DOT1L: variants seen among roughly 807,000 people sequenced by gnomAD.
The protein encoded by DOT1L is DOT1 like histone lysine methyltransferase.
DOT1L carries 33 observed loss-of-function variants against 153.3 expected under a neutral mutation model. That is an observed-to-expected ratio of 0.22 (90% CI 0.16 to 0.29). The LOEUF is 0.29. Ranked by LOEUF, DOT1L falls within the 10% of genes least tolerant of loss-of-function variation. DOT1L has a pLI of 1.00. For synonymous variants in DOT1L, 1,135 were observed against 965.1 expected, an observed-to-expected ratio of 1.18 and a Z score of -3.26; for missense variants, 1,847 against 2,119.9, an observed-to-expected ratio of 0.87 and a Z score of 2.53.
chr19:2,165,941 T>A (rs1281032540), intron 1 of DOT1L, among the ~76,000 whole-genome samples: 1 of 151,446 alleles, frequency 6.6e-6, no homozygotes, highest in African/African-American at 2.4e-5. Context: ...GCTAATGTTT[T>A]TTGTGTTTTT....
intron 22 of DOT1L, among the ~76,000 whole-genome samples, chr19:2,218,983 T>C (rs1290195808): frequency 6.6e-6 from 1 of 152,182 alleles, no homozygotes; most frequent in Admixed American, 6.5e-5. Flanking sequence ...GCAGTTCTCC[T>C]GCCTCAGCCT....
At chr19:2,165,288 G>GCA (rs1016262078) in intron 1 of DOT1L, among the ~76,000 whole-genome samples, 1 of 151,986 alleles carries the variant, frequency 6.6e-6, no homozygotes, top group African/African-American at 2.4e-5. Context: ...ACTCCCGCGC[G>GCA]CGCTGGGCTT....
intron 27 of DOT1L, 117 bp from the exon 28 acceptor site, chr19:2,229,656 TGTCATGGTGCTG>T (rs2024514031): frequency 1.9e-6 from 3 of 1,595,112 alleles, no homozygotes; most frequent in Non-Finnish European, 2.6e-6. Flanking sequence ...GCACTATGCC[TGTCATGGTGCTG>T]GCCCCAGGTG....
intron 27 of DOT1L, chr19:2,228,757 A>G: frequency 4.1e-6 from 4 of 985,336 alleles, no homozygotes; most frequent in Non-Finnish European, 4.8e-6. Context: ...GGCCCAGGTC[A>G]CTCATGACGG....
chr19:2,187,905 G>C (rs138333818), intron 3 of DOT1L, among the ~76,000 whole-genome samples: 6,315 of 142,474 alleles, frequency 0.044, 181 homozygotes, highest in Non-Finnish European at 0.053. Context: ...CTGGGTGACA[G>C]AGCGAGACTC....
intron 9 of DOT1L, 111 bp downstream of exon 9, chr19:2,202,890 G>C: frequency 9.6e-7 from 1 of 1,036,368 alleles, no homozygotes; most frequent in Non-Finnish European, 1.5e-6. Flanking sequence ...GGGGTCTTCA[G>C]TCCCCTTGGA....
At chr19:2,164,564 G>A in intron 1 of DOT1L, 1 of 243,562 alleles carries the variant, frequency 4.1e-6, no homozygotes, top group Non-Finnish European at 7.9e-6. Context: ...GGTAACTCGT[G>A]CCGGCCGCGT....
rs2023961321 is a variant in DOT1L at position 2,217,807 on chromosome 19, G to A, written c.2580G>A (p.Glu860=). 4 of 1,606,242 alleles carry A rather than the reference G, an allele frequency of 2.5e-6. No homozygotes were observed. The highest frequency in any genetic ancestry group is 1.3e-5 in the African/African-American group (1 of 74,868). The change falls in exon 22 of 28, where the codon GAG becomes GAA. Residue 860 remains glutamate, a synonymous_variant. Coordinates refer to ENST00000398665, the MANE Select transcript of DOT1L (RefSeq NM_032482.3). This position sits in a 1 kb window ranked among gnomAD's most constrained non-coding sequence, Gnocchi z 7.3. The stretch of plus-strand genomic sequence containing the variant: ...AGCGCGCCTACGGCAGCAGCGGGGA[G>A]CTCATCACCAGCCTGCCCATCAGCA... The part of the protein sequence containing the change: ...LRERAYGSSG[E]LITSLPISIP...
Position 2,193,608 on chromosome 19 carries a change from G to A in DOT1L, c.494-81G>A, listed in dbSNP as rs2022891039. 1 of 1,371,978 alleles carries A rather than the reference G, an allele frequency of 7.3e-7. No individual in the cohort carries two copies. The highest frequency in any genetic ancestry group is 1.0e-6 in the Non-Finnish European group (1 of 973,992). 85.0% of individuals were successfully genotyped at this position (1,371,978 alleles called of 1,614,324 possible). ...GGGTCTTCATGGCCGCATTCTTGTG[G>A]CCTCTGTCTCCGAGCCTAGCACGGC... is the stretch of plus-strand genomic sequence containing the variant. On this transcript the variant is annotated intron_variant, in intron 5 of 27. Transcript: ENST00000398665. This position sits in a 1 kb window ranked among gnomAD's most constrained non-coding sequence, Gnocchi z 5.9.
rs1200230841 is a variant in DOT1L, at chr19:2,225,376, T to G, written c.3597-12T>G. ...TGGGTTTCAAGCATTAATGACCTTT[T>G]TTTCTTAACAGAATTGAGAGAAAAA... On this transcript the variant is annotated splice_polypyrimidine_tract_variant and intron_variant, in intron 25 of 27. Coordinates refer to ENST00000398665, the MANE Select transcript of DOT1L (RefSeq NM_032482.3). 6 of 1,613,798 alleles carry G rather than the reference T, an allele frequency of 3.7e-6. No individual in the cohort carries two copies. In the South Asian group the frequency reaches 6.6e-5, roughly 18 times the overall value.
At chr19:2,178,079 T>C (rs1484058874) in intron 1 of DOT1L, among the ~76,000 whole-genome samples, 1 of 151,488 alleles carries the variant, frequency 6.6e-6, no homozygotes, top group Non-Finnish European at 1.5e-5. Flanking sequence ...CGCACCACCA[T>C]GCCCAGCTAA....
rs759743495 is a variant in DOT1L at position 2,227,030 on chromosome 19, C to T, written c.4509C>T (p.Ala1503=). The T allele has an allele frequency of 2.3e-5, 36 of 1,583,426 alleles. No individual in the cohort carries two copies. The South Asian group carries it at 3.0e-4, about 13-fold the overall frequency. Residue 1503 remains alanine (A), a synonymous_variant, in exon 27 of 28, where the codon GCC becomes GCT. Transcript: ENST00000398665. ...AGTCGCTGTTCAGCTCTGTGCCGGC[C>T]GCCGCAGGCCTGGTGCACGTGTCGT... ...VLQSLFSSVP[A]AAGLVHVSSA...
At chr19:2,175,322 AGTTGAGGTC>A (rs1190884685) in intron 1 of DOT1L, among the ~76,000 whole-genome samples, 2 of 151,844 alleles carry the variant, frequency 1.3e-5, no homozygotes, top group African/African-American at 4.8e-5. Context: ...TCTTTTTAAG[AGTTGAGGTC>A]TTGCTATGTT....
intron 26 of DOT1L, 152 bp from the exon 27 acceptor site, chr19:2,226,031 C>T: frequency 6.3e-6 from 5 of 790,598 alleles, no homozygotes; most frequent in Non-Finnish European, 9.6e-6. Flanking sequence ...TCCCTCCTGT[C>T]CTCTCCCATC....
intron 27 of DOT1L, chr19:2,228,029 G>T: frequency 1.6e-6 from 2 of 1,227,672 alleles, no homozygotes; most frequent in Non-Finnish European, 1.1e-6. Flanking sequence ...CTCCCCCAAC[G>T]CTGCTGGCCT....
chr19:2,227,144 T>A lies in DOT1L; in HGVS notation c.4606+17T>A. 6.4e-7 allele frequency: 1 copy of A among 1,554,076 alleles called. No homozygotes were observed. On this transcript the variant is annotated intron_variant, in intron 27 of 27. Coordinates refer to ENST00000398665, the MANE Select transcript of DOT1L (RefSeq NM_032482.3). ...CAGTTGGAGGTAGGCAGGGCGGCCG[T>A]CCGTCCGCCCCCCGCCCCGGCCCCC...
chr19:2,164,404 A>AC, intron 1 of DOT1L, 139 bp downstream of exon 1: 1 of 511,080 alleles, frequency 2.0e-6, no homozygotes, highest in Non-Finnish European at 2.9e-6. Context: ...TCGCTGCTCC[A>AC]CCCCCGTTGC....
chr19:2,186,978 G>A (rs1179056913), intron 3 of DOT1L, among the ~76,000 whole-genome samples: 2 of 152,246 alleles, frequency 1.3e-5, no homozygotes, highest in African/African-American at 2.4e-5. Flanking sequence ...CTCTGTGTCC[G>A]TGGAGTTGGG....
chr19:2,173,949 G>C (rs1287155988), intron 1 of DOT1L, among the ~76,000 whole-genome samples: 1 of 152,192 alleles, frequency 6.6e-6, no homozygotes, highest in African/African-American at 2.4e-5. Flanking sequence ...TGGTTGTTGC[G>C]TAGCTTGGGC....
Sources: gnomAD v4.1 joint callset for allele counts (sites outside exome capture counted in the v4.1 genomes callset) on GRCh38, gnomAD v4.1.1 for gene constraint, Gnocchi (gnomAD v3.1) non-coding constraint, MANE v1.5 for transcripts, NCBI Gene and HGNC (gene_info 2026-07-23, HGNC 2026-07-21) for gene names.